The following ZBTB20 variants were observed in gnomAD, a reference collection of about 807,000 sequenced individuals.
ZBTB20 encodes zinc finger and BTB domain containing 20.
In ZBTB20, 9 loss-of-function variants were observed where a neutral mutation model predicts 56.9. The ratio of observed to expected loss-of-function variants is 0.16; its 90% confidence interval spans 0.10 to 0.28. ZBTB20 has a LOEUF of 0.28. Among genes scored for constraint, ZBTB20 ranks in the 10% least tolerant of loss-of-function variants. The pLI is 1.00. For synonymous variants in ZBTB20, 417 were observed against 420.7 expected, an observed-to-expected ratio of 0.99 and a Z score of 0.11; for missense variants, 655 against 1,003.0, an observed-to-expected ratio of 0.65 and a Z score of 4.69.
chr3:114,807,749 G>C (rs192959147), intron 4 of ZBTB20, among the ~76,000 whole-genome samples: 12 of 152,156 alleles, frequency 7.9e-5, no homozygotes, highest in Admixed American at 7.2e-4. Flanking sequence ...CTATTGAAAT[G>C]GTCATGTGTT....
rs1389981186 is a variant in ZBTB20 at position 114,954,187 on chromosome 3, T to C, written c.-456+20179A>G. Reference sequence around the variant, plus strand: ...TAGTTTTGACTTCAGTTAAGCTGAATATTTGCTTTAAATATTTGTTTTTAA... The same window carrying C: ...TAGTTTTGACTTCAGTTAAGCTGAACATTTGCTTTAAATATTTGTTTTTAA... On this transcript the variant is annotated intron_variant, in intron 3 of 11. Transcript: ENST00000675478. 2.0e-5 allele frequency among the ~76,000 whole-genome samples: 3 copies of C among 152,214 alleles called. No homozygotes were observed. In the East Asian group the frequency reaches 5.8e-4, roughly 29 times the overall value.
intron 1 of ZBTB20, among the ~76,000 whole-genome samples, chr3:115,135,802 T>C (rs2084637998): frequency 1.3e-5 from 2 of 152,192 alleles, no homozygotes; most frequent in Admixed American, 1.3e-4. Context: ...TCACTAATAT[T>C]ACAGTGTTTA....
At chr3:114,983,495 T>C (rs147328412) in intron 2 of ZBTB20, among the ~76,000 whole-genome samples, 1 of 151,988 alleles carries the variant, frequency 6.6e-6, no homozygotes, top group African/African-American at 2.4e-5. Flanking sequence ...CAAAGGTCAA[T>C]GTTGAAAAAG....
intron 3 of ZBTB20, among the ~76,000 whole-genome samples, chr3:114,966,373 T>C (rs1263808392): frequency 6.6e-6 from 1 of 152,158 alleles, no homozygotes; most frequent in Non-Finnish European, 1.5e-5. Context: ...ATCAGAAAGA[T>C]GGAAATTGTT....
intron 5 of ZBTB20, among the ~76,000 whole-genome samples, chr3:114,739,169 G>A (rs971149604): frequency 6.6e-6 from 1 of 152,090 alleles, no homozygotes. Context: ...AAAATCACAG[G>A]CTCACCCAAG....
intron 6 of ZBTB20, among the ~76,000 whole-genome samples, chr3:114,520,345 A>G (rs767345926): frequency 1.3e-5 from 2 of 152,198 alleles, no homozygotes; most frequent in Non-Finnish European, 2.9e-5. Flanking sequence ...GACTCATTCC[A>G]TAGTTTCTTA....
intron 2 of ZBTB20, among the ~76,000 whole-genome samples, chr3:115,041,195 A>G (rs2081127654): frequency 2.0e-5 from 3 of 152,274 alleles, no homozygotes; most frequent in South Asian, 4.1e-4. Flanking sequence ...AATAATACAT[A>G]TATGTGTAAA....
chr3:114,886,430 C>A (rs939423056), intron 4 of ZBTB20, among the ~76,000 whole-genome samples: 17 of 152,276 alleles, frequency 1.1e-4, no homozygotes, highest in Non-Finnish European at 2.2e-4. Flanking sequence ...TCATCCAGCA[C>A]AATACTTTTG....
intron 4 of ZBTB20, among the ~76,000 whole-genome samples, chr3:114,812,928 G>A (rs1421187757): frequency 6.6e-6 from 1 of 152,186 alleles, no homozygotes; most frequent in Non-Finnish European, 1.5e-5. Context: ...GGGGCCGGTG[G>A]GGCAGGCCGG....
intron 10 of ZBTB20, chr3:114,375,948 A>T (rs996883450): frequency 3.3e-5 from 5 of 152,212 alleles, no homozygotes; most frequent in African/African-American, 1.2e-4. Flanking sequence ...TTTTTTAATC[A>T]CAAAGTTAGT....
chr3:114,643,617 C>A (rs1406326054), intron 6 of ZBTB20, among the ~76,000 whole-genome samples: 1 of 152,084 alleles, frequency 6.6e-6, no homozygotes, highest in African/African-American at 2.4e-5. Flanking sequence ...TGATTTCCTG[C>A]ACAGTTTGAT....
At chr3:114,488,123 C>G (rs1212756596) in intron 7 of ZBTB20, among the ~76,000 whole-genome samples, 1 of 152,108 alleles carries the variant, frequency 6.6e-6, no homozygotes, top group African/African-American at 2.4e-5. Context: ...GAATACTTAC[C>G]ACCTCCCAAC....
Position 114,330,342 on chromosome 3 carries a change from G to A in ZBTB20, c.*8663C>T, listed in dbSNP as rs1663168592. On this transcript the variant is annotated 3_prime_UTR_variant, in exon 12 of 12. Transcript: ENST00000675478. ...AGACATAATATTTCAATCAACTCAT[G>A]ATCATAGGCAGATTCAAAAGTTAAA... 1 of 152,136 alleles carries A rather than the reference G, an allele frequency of 6.6e-6. No individual in the cohort carries two copies. Among genetic ancestry groups the A allele is most frequent in the African/African-American group, 2.4e-5 (1 of 41,426 alleles). The allele number at this position is 152,136 out of a possible 1,614,324, so 9.4% of individuals were successfully genotyped here.
chr3:114,794,473 T>G (rs576551387), intron 5 of ZBTB20, among the ~76,000 whole-genome samples: 1 of 152,182 alleles, frequency 6.6e-6, no homozygotes, highest in African/African-American at 2.4e-5. Context: ...TAACTATGAC[T>G]TGGATAGGAA....
At chr3:114,763,808 C>T (rs1363250939) in intron 5 of ZBTB20, among the ~76,000 whole-genome samples, 1 of 151,754 alleles carries the variant, frequency 6.6e-6, no homozygotes, top group African/African-American at 2.4e-5. Flanking sequence ...CATTGTACCC[C>T]ATAAAAATAC....
rs186971167 is a variant in ZBTB20, at chr3:114,342,502, A to G, written c.1805-3076T>C. Among the ~76,000 whole-genome samples, 13 of 152,288 alleles carry G rather than the reference A, an allele frequency of 8.5e-5. No homozygotes were observed. The East Asian group carries it at 2.3e-3, about 27-fold the overall frequency. On this transcript the variant is annotated intron_variant, in intron 11 of 11. Coordinates refer to ENST00000675478, the MANE Select transcript of ZBTB20 (RefSeq NM_001348800.3). ...AATGATCCATTTTGGGCCTATACAG[A>G]TGTAGGAGTCAGATATGAATTCCAT...
chr3:115,137,922 A>G (rs2084695281), intron 1 of ZBTB20, among the ~76,000 whole-genome samples: 1 of 152,064 alleles, frequency 6.6e-6, no homozygotes. Flanking sequence ...CTTACTGCCT[A>G]ACTCTAGGTT....
chr3:114,657,485 C>T (rs1206692272), intron 6 of ZBTB20, among the ~76,000 whole-genome samples: 4 of 152,338 alleles, frequency 2.6e-5, no homozygotes, highest in Middle Eastern at 6.8e-3. Flanking sequence ...CTCCCACATA[C>T]ATGCACAGTT....
At chr3:114,512,327 C>G (rs1004023057) in intron 6 of ZBTB20, among the ~76,000 whole-genome samples, 2 of 152,020 alleles carry the variant, frequency 1.3e-5, no homozygotes, top group Non-Finnish European at 2.9e-5. Flanking sequence ...TTTCCAACAC[C>G]ATGCATTCAT....
Sources: gnomAD v4.1 joint callset for allele counts (sites outside exome capture counted in the v4.1 genomes callset) on GRCh38, gnomAD v4.1.1 for gene constraint, MANE v1.5 for transcripts, NCBI Gene and HGNC (gene_info 2026-07-23, HGNC 2026-07-21) for gene names.